The following PGR variants were observed in gnomAD, a reference collection of about 807,000 sequenced individuals.
PGR encodes the protein progesterone receptor.
PGR carries 25 observed loss-of-function variants against 76.1 expected under a neutral mutation model. The ratio of observed to expected loss-of-function variants is 0.33; its 90% CI spans 0.24 to 0.46. The LOEUF is 0.46. PGR is among the 20% of genes least tolerant of loss of function. The pLI, the probability that PGR is intolerant of heterozygous loss-of-function variation, is 1.00. For missense variants in PGR, 1,172 were observed against 1,225.3 expected, an observed-to-expected ratio of 0.96 and a Z score of 0.65; for synonymous variants, 579 against 535.0, an observed-to-expected ratio of 1.08 and a Z score of -1.14.
intron 3 of PGR, among the ~76,000 whole-genome samples, chr11:101,088,466 G>A (rs1490852266): frequency 6.6e-6 from 1 of 152,070 alleles, no homozygotes; most frequent in Non-Finnish European, 1.5e-5. Flanking sequence ...CAAGTAGGTG[G>A]GACTACAGGC....
rs1366719760 is a variant in PGR at position 101,035,612 on chromosome 11, A to G, written c.*3504T>C. On this transcript the variant is annotated 3_prime_UTR_variant, in exon 8 of 8. Transcript: ENST00000325455. ...TTTTTGGAGGGGCTGTGTTCTAGTC[A>G]GGCTCTCTGTTCTAAAAAGACACTT... 4.3e-6 allele frequency: 1 copy of G among 231,994 alleles called. No individual in the cohort carries two copies. The highest frequency in any genetic ancestry group is 2.2e-5 in the African/African-American group (1 of 45,278). The allele number at this position is 231,994 out of a possible 1,614,324, so 14.4% of individuals were successfully genotyped here. A position where few individuals can be genotyped will look rare whatever the true frequency, so the allele number is the denominator to read the frequency against.
intron 3 of PGR, among the ~76,000 whole-genome samples, chr11:101,078,876 C>G (rs555442981): frequency 2.4e-4 from 36 of 152,126 alleles, no homozygotes; most frequent in African/African-American, 6.7e-4. Flanking sequence ...TAAATGGTCT[C>G]TATGTCAGAA....
chr11:101,096,344 A>C (rs1861830130), intron 2 of PGR, among the ~76,000 whole-genome samples: 3 of 152,226 alleles, frequency 2.0e-5, no homozygotes, highest in Non-Finnish European at 4.4e-5. Context: ...GAGCCATCAA[A>C]ACTGCAAAGT....
chr11:101,061,614 A>C (rs972655019), intron 4 of PGR, among the ~76,000 whole-genome samples: 1 of 152,200 alleles, frequency 6.6e-6, no homozygotes, highest in Non-Finnish European at 1.5e-5. Context: ...TAATTTGTCT[A>C]TAGCAGTATA....
At chr11:101,079,055 C>T (rs922842325) in intron 3 of PGR, among the ~76,000 whole-genome samples, 2 of 152,064 alleles carry the variant, frequency 1.3e-5, no homozygotes, top group Non-Finnish European at 2.9e-5. Flanking sequence ...TCAATAAATG[C>T]TGCTGGGAAA....
chr11:101,090,085 C>T (rs1209859347), intron 3 of PGR, among the ~76,000 whole-genome samples: 1 of 151,954 alleles, frequency 6.6e-6, no homozygotes, highest in Admixed American at 6.6e-5. Flanking sequence ...ATGATACCAG[C>T]TACTTGGGAG....
chr11:101,064,352 A>C (rs893444311), intron 3 of PGR, among the ~76,000 whole-genome samples: 7 of 145,318 alleles, frequency 4.8e-5, no homozygotes, highest in Admixed American at 2.1e-4. Flanking sequence ...AAAAAAAAAA[A>C]AAAAAAAAAA....
chr11:101,093,729 G>T (rs1187842301), intron 2 of PGR, among the ~76,000 whole-genome samples: 1 of 152,122 alleles, frequency 6.6e-6, no homozygotes, highest in East Asian at 1.9e-4. Context: ...AAAGTGCTGG[G>T]ATTACAGGCA....
Position 101,049,996 on chromosome 11 carries a change from C to T in PGR, c.2421G>A (p.Glu807=). The T allele has an allele frequency of 6.2e-7, 1 of 1,612,574 alleles. No individual in the cohort carries two copies. Among genetic ancestry groups the T allele is most frequent in the Non-Finnish European group, 8.5e-7 (1 of 1,179,004 alleles). Residue 807 remains glutamate (E), a synonymous_variant, in exon 6 of 8, where the codon GAG becomes GAA. Coordinates refer to ENST00000325455, the MANE Select transcript of PGR (RefSeq NM_000926.4). ...LCLTMWQIPQ[E]FVKLQVSQEE... ...CTTGGCTAACTTGAAGCTTGACAAA[C>T]TCCTGTGGGATCTGCCACATGGTAA...
chr11:101,044,741 C>T (rs930260542), intron 6 of PGR, among the ~76,000 whole-genome samples: 2 of 119,544 alleles, frequency 1.7e-5, no homozygotes, highest in Non-Finnish European at 3.2e-5. Flanking sequence ...GGGTCTTGCT[C>T]TGTCGCCCAG....
intron 2 of PGR, among the ~76,000 whole-genome samples, chr11:101,100,634 C>CACAA (rs1386288375): frequency 6.7e-6 from 1 of 149,748 alleles, no homozygotes; most frequent in Non-Finnish European, 1.5e-5. Flanking sequence ...CACACACACA[C>CACAA]AATACATACA....
intron 3 of PGR, among the ~76,000 whole-genome samples, chr11:101,067,256 G>C (rs1565341574): frequency 6.6e-6 from 1 of 151,990 alleles, no homozygotes; most frequent in Non-Finnish European, 1.5e-5. Flanking sequence ...CAGATAGCTT[G>C]TTTTTATCTA....
Position 101,041,916 on chromosome 11 carries a change from TGATATTCTG to T in PGR, c.2646+20_2646+28del. 1 of 1,571,848 alleles carries T rather than the reference TGATATTCTG, an allele frequency of 6.4e-7. No homozygotes were observed. Among genetic ancestry groups the T allele is most frequent in the Non-Finnish European group, 8.8e-7 (1 of 1,142,018 alleles). ...TTATAGAAATTCAGAGAATAATCAT[TGATATTCTG>T]GAATCAACCAAATACTTACATCATG... On this transcript the variant is annotated intron_variant, in intron 7 of 7. Transcript: ENST00000325455.
chr11:101,093,465 A>G (rs1014118780), intron 2 of PGR, among the ~76,000 whole-genome samples: 1 of 152,162 alleles, frequency 6.6e-6, no homozygotes, highest in African/African-American at 2.4e-5. Context: ...AAGATTTTCT[A>G]TTCTTTTTCT....
At chr11:101,041,908 A>G in intron 7 of PGR, 37 bp downstream of exon 7, 1 of 1,558,686 alleles carries the variant, frequency 6.4e-7, no homozygotes, top group Middle Eastern at 1.7e-4. Context: ...AATTCAGAGA[A>G]TAATCATTGA....
At chr11:101,044,662 C>G (rs1313076818) in intron 6 of PGR, among the ~76,000 whole-genome samples, 1 of 149,376 alleles carries the variant, frequency 6.7e-6, no homozygotes, top group Admixed American at 6.7e-5. Context: ...TACTGGAACA[C>G]TGAGAGGCCA....
At chr11:101,113,572 T>G (rs1862411857) in intron 2 of PGR, among the ~76,000 whole-genome samples, 1 of 152,232 alleles carries the variant, frequency 6.6e-6, no homozygotes, top group East Asian at 1.9e-4. Context: ...ACCCGGCCTA[T>G]ATATCTTCTA....
Position 101,052,495 on chromosome 11 carries a change from T to C in PGR, c.2213-927A>G, listed in dbSNP as rs540832034. On this transcript the variant is annotated intron_variant, in intron 4 of 7. Coordinates refer to ENST00000325455, the MANE Select transcript of PGR (RefSeq NM_000926.4). ...GATCACCAGTTCAACAATGAGTAAC[T>C]TAAAGGTGGGAGAAGCAAAGATGTG... is the stretch of plus-strand genomic sequence containing the variant. Among the ~76,000 whole-genome samples, 5 of 152,178 alleles carry C rather than the reference T, an allele frequency of 3.3e-5. No homozygotes were observed. The South Asian group carries it at 6.2e-4, about 19-fold the overall frequency.
intron 2 of PGR, among the ~76,000 whole-genome samples, chr11:101,117,685 T>G (rs1224600885): frequency 7.1e-6 from 1 of 140,392 alleles, no homozygotes; most frequent in African/African-American, 2.5e-5. Flanking sequence ...GTCACAATAT[T>G]ATTATATTAA....
Sources: gnomAD v4.1 joint callset for allele counts (sites outside exome capture counted in the v4.1 genomes callset) on GRCh38, gnomAD v4.1.1 for gene constraint, MANE v1.5 for transcripts, NCBI Gene and HGNC (gene_info 2026-07-23, HGNC 2026-07-21) for gene names.